The following SLC7A11 variants were observed in gnomAD, a reference collection of about 807,000 sequenced individuals.
The protein encoded by SLC7A11 is cystine/glutamate transporter.
A neutral mutation model predicts 54.5 loss-of-function variants in SLC7A11; 35 were observed. The ratio of observed to expected loss-of-function variants is 0.64; its 90% confidence interval spans 0.49 to 0.85. The LOEUF (loss-of-function observed/expected upper bound fraction) is 0.85. SLC7A11 is among the 40% of genes least tolerant of loss of function. The pLI, the probability that SLC7A11 is intolerant of heterozygous loss-of-function variation, is 0.00. For synonymous variants in SLC7A11, 230 were observed against 225.2 expected (o/e 1.02, Z -0.19); for missense variants, 583 against 618.1 (o/e 0.94, Z 0.60).
chr4:138,180,621 A>G lies in SLC7A11; in HGVS notation c.1266+20T>C, dbSNP rs372934511. The G allele has an allele frequency of 6.2e-7, 1 of 1,611,310 alleles. No homozygotes were observed. Among genetic ancestry groups the G allele is most frequent in the Non-Finnish European group, 8.5e-7 (1 of 1,178,514 alleles). On this transcript the variant is annotated intron_variant, in intron 10 of 11. Transcript: ENST00000280612. ...TTAGGAGAGAGATTTATGTAAACCC[A>G]TCAAGATTGCTGAGGTTACCTTGAA...
chr4:138,197,096 G>T (rs1443804634), intron 6 of SLC7A11, among the ~76,000 whole-genome samples: 2 of 152,166 alleles, frequency 1.3e-5, no homozygotes, highest in Non-Finnish European at 2.9e-5. Flanking sequence ...ATTATTTCTA[G>T]TGCAGACTTC....
intron 1 of SLC7A11, 132 bp downstream of exon 1, chr4:138,241,661 G>A: frequency 2.9e-6 from 2 of 691,348 alleles, no homozygotes; most frequent in East Asian, 2.7e-5. Context: ...TCACGTACCC[G>A]AACAAAAATT....
At chr4:138,179,775 T>G (rs1736675493) in intron 10 of SLC7A11, among the ~76,000 whole-genome samples, 1 of 152,168 alleles carries the variant, frequency 6.6e-6, no homozygotes, top group Admixed American at 6.6e-5. Flanking sequence ...CCCACTTTAA[T>G]GTGGAGTCAA....
chr4:138,183,262 G>A lies in SLC7A11; in HGVS notation c.959C>T (p.Pro320Leu), dbSNP rs760898836. ...AAAGCAGGAGAGGGCAACAAAGATCGGAACTGCTAATGAGAAATTTCCCAG... is the reference window on the plus strand; with the variant it reads ...AAAGCAGGAGAGGGCAACAAAGATCAGAACTGCTAATGAGAAATTTCCCAG... The part of the protein sequence containing the change: ...RLLGNFSLAV[P>L]IFVALSCFGS... The change falls in exon 8 of 12, where the codon CCG becomes CTG. Residue 320 changes from proline to leucine, a missense_variant. Coordinates refer to ENST00000280612, the MANE Select transcript of SLC7A11 (RefSeq NM_014331.4). The A allele has an allele frequency of 2.0e-5, 33 of 1,611,828 alleles. No individual in the cohort carries two copies. The highest frequency in any genetic ancestry group is 5.9e-6 in the Non-Finnish European group (7 of 1,178,910).
chr4:138,217,520 A>G (rs1181663818), intron 5 of SLC7A11, among the ~76,000 whole-genome samples: 1 of 152,200 alleles, frequency 6.6e-6, no homozygotes, highest in African/African-American at 2.4e-5. Context: ...CTCTACATAA[A>G]GCAAGTGACC....
chr4:138,211,833 G>T (rs1307770786), intron 6 of SLC7A11, among the ~76,000 whole-genome samples: 3 of 151,860 alleles, frequency 2.0e-5, no homozygotes, highest in Non-Finnish European at 4.4e-5. Context: ...CTAAAAAAAA[G>T]TTGACCCTAT....
At chr4:138,209,545 G>T (rs1737498179) in intron 6 of SLC7A11, among the ~76,000 whole-genome samples, 1 of 151,712 alleles carries the variant, frequency 6.6e-6, no homozygotes, top group African/African-American at 2.4e-5. Flanking sequence ...AAAGTTTCAA[G>T]ATACAAAAAC....
At chr4:138,184,968 A>AG (rs2148415078) in intron 7 of SLC7A11, among the ~76,000 whole-genome samples, 153 bp downstream of exon 7, 1 of 152,296 alleles carries the variant, frequency 6.6e-6, no homozygotes, top group East Asian at 1.9e-4. Flanking sequence ...GAATATGCTA[A>AG]GGTATGCTCT....
intron 7 of SLC7A11, 36 bp downstream of exon 7, chr4:138,185,085 T>A: frequency 6.2e-7 from 1 of 1,610,754 alleles, no homozygotes; most frequent in East Asian, 2.2e-5. Flanking sequence ...CTCATTAACC[T>A]AAATTCCAAT....
intron 6 of SLC7A11, among the ~76,000 whole-genome samples, chr4:138,193,541 C>G (rs935453756): frequency 3.9e-5 from 6 of 152,234 alleles, no homozygotes; most frequent in African/African-American, 1.4e-4. Context: ...GTGGCTCACA[C>G]CTGTAATCCT....
At chr4:138,177,057 G>A (rs983018216) in intron 11 of SLC7A11, 2 of 152,140 alleles carry the variant, frequency 1.3e-5, no homozygotes, top group East Asian at 3.9e-4. Context: ...ACAAAATCCA[G>A]ATATAAATAT....
Position 138,238,595 on chromosome 4 carries a change from ATT to A in SLC7A11, c.278-2146_278-2145del, listed in dbSNP as rs35797835. Among the ~76,000 whole-genome samples, 1,227 of 146,876 alleles carry A rather than the reference ATT, an allele frequency of 8.4e-3. 19 individuals are homozygous for A. Among genetic ancestry groups the A allele is most frequent in the African/African-American group, 0.028 (1,116 of 39,986 alleles). Reference sequence around the variant, plus strand: ...ATGACATCAAAGTCACCTAGGAATAATTTTTTTTTTTTTTTAATTTTTGAGAT... The same window carrying A: ...ATGACATCAAAGTCACCTAGGAATAATTTTTTTTTTTTTAATTTTTGAGAT... On this transcript the variant is annotated intron_variant, in intron 1 of 11. Transcript: ENST00000280612.
chr4:138,230,894 C>G (rs1738061515), intron 3 of SLC7A11, among the ~76,000 whole-genome samples: 2 of 152,078 alleles, frequency 1.3e-5, no homozygotes, highest in African/African-American at 2.4e-5. Flanking sequence ...ATGCTAGGAG[C>G]TAAGTGAGGG....
chr4:138,188,872 T>A (rs1560721891), intron 6 of SLC7A11, among the ~76,000 whole-genome samples: 1 of 152,224 alleles, frequency 6.6e-6, no homozygotes, highest in Non-Finnish European at 1.5e-5. Context: ...CTTTCTCAAA[T>A]GTTAGTACAT....
At position 138,212,451 on chromosome 4, in the gene SLC7A11, GAAGT is replaced by G. The variant is rs1432425262; in HGVS notation, c.791+2130_791+2133del. ...TATTAATTCATCAACACAACCCAGT[GAAGT>G]ATGTGTTATTATTATTTCCATTTTT... is the stretch of plus-strand genomic sequence containing the variant. On this transcript the variant is annotated intron_variant, in intron 6 of 11. Transcript: ENST00000280612. Among the ~76,000 whole-genome samples, 4 of 151,270 alleles carry G rather than the reference GAAGT, an allele frequency of 2.6e-5. No individual in the cohort carries two copies. In the East Asian group the frequency reaches 7.8e-4, roughly 29 times the overall value.
At position 138,241,974 on chromosome 4, in the gene SLC7A11, T is replaced by C; in HGVS notation, c.96A>G (p.Pro32=). Reference sequence around the variant, plus strand: ...TCAGCTGCACTTTCTCCTGCCCAGGTGGCTCCTTGTTGCCCAGGGAAGGCA... The same window carrying C: ...TCAGCTGCACTTTCTCCTGCCCAGGCGGCTCCTTGTTGCCCAGGGAAGGCA... ...GRLPSLGNKE[P]PGQEKVQLKR... The change falls in exon 1 of 12, where the codon CCA becomes CCG. Residue 32 remains proline (P), a synonymous_variant. Transcript: ENST00000280612. 6.2e-7 allele frequency: 1 copy of C among 1,614,182 alleles called. No homozygotes were observed. The highest frequency in any genetic ancestry group is 8.5e-7 in the Non-Finnish European group (1 of 1,180,026).
chr4:138,185,005 C>CAAGAAA, intron 7 of SLC7A11, 116 bp downstream of exon 7: 2 of 1,139,498 alleles, frequency 1.8e-6, no homozygotes, highest in East Asian at 4.8e-5. Flanking sequence ...CACTATTATT[C>CAAGAAA]AGGTCAAGAA....
intron 5 of SLC7A11, among the ~76,000 whole-genome samples, chr4:138,218,948 C>A (rs374057786): frequency 3.3e-5 from 5 of 152,100 alleles, no homozygotes; most frequent in African/African-American, 1.2e-4. Flanking sequence ...TAGTACCTTA[C>A]GGCACTATTA....
intron 10 of SLC7A11, among the ~76,000 whole-genome samples, chr4:138,179,708 A>C (rs1736674046): frequency 6.6e-6 from 1 of 152,184 alleles, no homozygotes; most frequent in Non-Finnish European, 1.5e-5. Flanking sequence ...GTTAAATGCC[A>C]TGATGATTTA....
Sources: gnomAD v4.1 joint callset for allele counts (sites outside exome capture counted in the v4.1 genomes callset) on GRCh38, gnomAD v4.1.1 for gene constraint, MANE v1.5 for transcripts, NCBI Gene and HGNC (gene_info 2026-07-23, HGNC 2026-07-21) for gene names.